Variants in RBFOX1 observed in about 807,000 individuals in gnomAD.
RBFOX1 encodes the protein RNA binding fox-1 homolog 1.
In RBFOX1, 8 loss-of-function variants were observed where a neutral mutation model predicts 57.7. The observed-to-expected ratio is 0.14, with a 90% confidence interval of 0.08 to 0.25. The LOEUF (loss-of-function observed/expected upper bound fraction) is 0.25, where lower values mean the gene tolerates loss of function less well. Ranked by LOEUF, RBFOX1 falls within the 10% of genes least tolerant of loss-of-function variation. The pLI, the probability that RBFOX1 is intolerant of heterozygous loss-of-function variation, is 1.00. For missense variants in RBFOX1, 611 were observed against 548.5 expected, an observed-to-expected ratio of 1.11 and a Z score of -1.14; for synonymous variants, 326 against 222.4, an observed-to-expected ratio of 1.47 and a Z score of -4.15.
intron 1 of RBFOX1, among the ~76,000 whole-genome samples, chr16:6,039,389 C>T (rs1359948536): frequency 1.4e-5 from 2 of 147,908 alleles, no homozygotes; most frequent in Non-Finnish European, 3.0e-5. Flanking sequence ...GCCAGCTTGA[C>T]AGAAGGTTGG....
chr16:6,353,574 C>T (rs75167705), intron 2 of RBFOX1, among the ~76,000 whole-genome samples: 3,788 of 152,092 alleles, frequency 0.025, 164 homozygotes, highest in African/African-American at 0.086. Context: ...AGGATGGGTC[C>T]TTAAGCCCAA....
At chr16:6,360,143 A>G (rs1393212223) in intron 2 of RBFOX1, among the ~76,000 whole-genome samples, 2 of 152,144 alleles carry the variant, frequency 1.3e-5, no homozygotes, top group African/African-American at 2.4e-5. Context: ...CTTGTTTTCA[A>G]TTAAAAAAAA....
intron 1 of RBFOX1, among the ~76,000 whole-genome samples, chr16:6,293,045 C>T (rs2077637300): frequency 6.6e-6 from 1 of 152,156 alleles, no homozygotes; most frequent in Non-Finnish European, 1.5e-5. Context: ...TGTCTACCCC[C>T]TTTAGCTCCA....
chr16:6,481,247 C>A (rs969033170), intron 2 of RBFOX1, among the ~76,000 whole-genome samples: 1 of 152,160 alleles, frequency 6.6e-6, no homozygotes, highest in African/African-American at 2.4e-5. Context: ...TATCATCTTG[C>A]CTTGTAGTTA....
chr16:5,502,713 G>C (rs150937933), intron 2 of RBFOX1, among the ~76,000 whole-genome samples: 19 of 152,280 alleles, frequency 1.2e-4, no homozygotes, highest in Non-Finnish European at 2.4e-4. Flanking sequence ...CCTCTATTGA[G>C]TTATAGTCTG....
At chr16:6,056,361 T>A (rs1400981188) in intron 1 of RBFOX1, among the ~76,000 whole-genome samples, 3 of 152,224 alleles carry the variant, frequency 2.0e-5, no homozygotes, top group African/African-American at 7.2e-5. Context: ...AATGAACTGA[T>A]GAGTGTAATA....
intron 3 of RBFOX1, among the ~76,000 whole-genome samples, chr16:5,655,704 C>T (rs751259722): frequency 3.9e-5 from 6 of 152,142 alleles, no homozygotes; most frequent in Non-Finnish European, 5.9e-5. Flanking sequence ...CTCACAGGTA[C>T]AGTGTAACCC....
intron 4 of RBFOX1, among the ~76,000 whole-genome samples, chr16:7,509,199 T>C (rs1449602138): frequency 2.0e-5 from 3 of 152,212 alleles, no homozygotes; most frequent in East Asian, 3.8e-4. Context: ...ACCCCTGTAC[T>C]TTTTCTTGAT....
At chr16:7,050,286 A>G (rs149921569) in intron 3 of RBFOX1, among the ~76,000 whole-genome samples, 5,701 of 120,648 alleles carry the variant, frequency 0.047, 130 homozygotes, top group Middle Eastern at 0.13. Context: ...TTCTTTTGAG[A>G]TGGAGTTTCA....
chr16:5,300,465 T>C (rs1023228045), intron 1 of RBFOX1, among the ~76,000 whole-genome samples: 1 of 152,112 alleles, frequency 6.6e-6, no homozygotes, highest in African/African-American at 2.4e-5. Context: ...CTAATGAATT[T>C]ATTCTTCTAA....
intron 1 of RBFOX1, among the ~76,000 whole-genome samples, chr16:6,247,021 G>C (rs1185620490): frequency 6.6e-6 from 1 of 152,158 alleles, no homozygotes; most frequent in Non-Finnish European, 1.5e-5. Flanking sequence ...GGTGAGTCGA[G>C]ATTGCACCAT....
chr16:6,456,458 A>T (rs879395955), intron 2 of RBFOX1, among the ~76,000 whole-genome samples: 9 of 152,160 alleles, frequency 5.9e-5, no homozygotes, highest in Admixed American at 5.9e-4. Context: ...ATTCAAGTTT[A>T]TCATTGATGA....
At chr16:6,095,174 A>G (rs80326680) in intron 1 of RBFOX1, among the ~76,000 whole-genome samples, 3,894 of 152,322 alleles carry the variant, frequency 0.026, 158 homozygotes, top group African/African-American at 0.088. Context: ...GGAGGTTATT[A>G]ACAGAAATTG....
chr16:7,298,828 A>G (rs2095961784), intron 4 of RBFOX1, among the ~76,000 whole-genome samples: 1 of 152,210 alleles, frequency 6.6e-6, no homozygotes. Flanking sequence ...GTCATTTTAC[A>G]TGAGGTAGGC....
intron 1 of RBFOX1, among the ~76,000 whole-genome samples, chr16:6,227,372 T>G (rs1175495281): frequency 6.6e-6 from 1 of 152,166 alleles, no homozygotes; most frequent in Admixed American, 6.6e-5. Context: ...AGAAAGAGTG[T>G]TTTCTCTTGT....
chr16:6,843,391 C>A (rs1286905684), intron 3 of RBFOX1, among the ~76,000 whole-genome samples: 1 of 151,958 alleles, frequency 6.6e-6, no homozygotes, highest in Non-Finnish European at 1.5e-5. Flanking sequence ...ATCTTATTTT[C>A]AGTTAATAAA....
chr16:6,367,251 TTTG>T (rs1422570831), intron 2 of RBFOX1, among the ~76,000 whole-genome samples: 1 of 108,706 alleles, frequency 9.2e-6, no homozygotes, highest in African/African-American at 3.4e-5. Flanking sequence ...ATTTTCTTTG[TTTG>T]TTTGTTTTGT....
intron 3 of RBFOX1, among the ~76,000 whole-genome samples, chr16:6,862,984 A>G (rs1004782863): frequency 3.3e-5 from 4 of 119,490 alleles, no homozygotes; most frequent in East Asian, 5.2e-4. Flanking sequence ...GACTCTGTCT[A>G]AAAAAAAAAA....
intron 2 of RBFOX1, chr16:6,484,057 A>G (rs1270710685): frequency 2.1e-5 from 11 of 513,014 alleles, no homozygotes; most frequent in Non-Finnish European, 2.8e-5. Flanking sequence ...AGATGCATCG[A>G]TTTTCTTTAC....
Sources: allele counts gnomAD v4.1 joint callset (sites outside exome capture counted in the v4.1 genomes callset), GRCh38; gene constraint gnomAD v4.1.1; transcripts MANE v1.5; gene names NCBI Gene and HGNC (gene_info 2026-07-23, HGNC 2026-07-21).